Variants in USP8 observed in about 807,000 individuals in gnomAD.
USP8 encodes ubiquitin carboxyl-terminal hydrolase 8.
USP8 carries 27 observed loss-of-function variants against 130.0 expected under a neutral mutation model. The observed-to-expected ratio is 0.21, with a 90% confidence interval of 0.15 to 0.29. The LOEUF (loss-of-function observed/expected upper bound fraction) is 0.29, where lower values mean the gene tolerates loss of function less well. Ranked by LOEUF, USP8 falls within the 10% of genes least tolerant of loss-of-function variation. USP8 has a pLI of 1.00. For synonymous variants in USP8, 392 were observed against 444.1 expected (o/e 0.88, Z 1.48); for missense variants, 1,029 against 1,312.2 (o/e 0.78, Z 3.33).
rs1037791812 is a variant in USP8, at chr15:50,502,149, C to T, written c.*3061C>T. ...TTGAGATGGAGTCTCTCTCTGTTGC[C>T]CAGGCTGGAATGCAGTGGCACGATC... is the stretch of plus-strand genomic sequence containing the variant. On this transcript the variant is annotated 3_prime_UTR_variant, in exon 20 of 20. Transcript: ENST00000307179. The T allele has an allele frequency of 6.6e-6, 1 of 152,194 alleles. No homozygotes were observed. 9.4% of individuals were successfully genotyped at this position (152,194 alleles called of 1,614,324 possible).
intron 16 of USP8, among the ~76,000 whole-genome samples, chr15:50,495,339 C>T (rs1402910828): frequency 1.1e-5 from 1 of 89,696 alleles, no homozygotes; most frequent in African/African-American, 5.3e-5. Context: ...CATATATATA[C>T]ACATACATAT....
intron 8 of USP8, 62 bp downstream of exon 8, chr15:50,471,857 A>G (rs2051388090): frequency 3.9e-6 from 6 of 1,536,276 alleles, no homozygotes; most frequent in African/African-American, 1.4e-5. Context: ...TTAGAAAGGC[A>G]TGTTAACTAG....
rs1566904549 is a variant in USP8, at chr15:50,514,397, T to C, written c.*15309T>C. The stretch of plus-strand genomic sequence containing the variant: ...GTACTTTTCTGTATATATGTTTCAC[T>C]TCAATAAAGTTTATTTTTGGTCAAG... On this transcript the variant is annotated 3_prime_UTR_variant, in exon 20 of 20. Transcript: ENST00000307179. The C allele has an allele frequency of 6.6e-6, 1 of 152,212 alleles. No individual in the cohort carries two copies. Among genetic ancestry groups the C allele is most frequent in the East Asian group, 1.9e-4 (1 of 5,196 alleles). 9.4% of individuals were successfully genotyped at this position (152,212 alleles called of 1,614,324 possible).
intron 1 of USP8, among the ~76,000 whole-genome samples, chr15:50,425,579 A>G (rs903830695): frequency 1.3e-5 from 2 of 152,098 alleles, no homozygotes; most frequent in Non-Finnish European, 2.9e-5. Context: ...TCATGTTGAT[A>G]TGGCTGCTTT....
intron 8 of USP8, among the ~76,000 whole-genome samples, chr15:50,475,120 A>G (rs975268088): frequency 2.0e-5 from 3 of 152,192 alleles, no homozygotes; most frequent in African/African-American, 7.2e-5. Flanking sequence ...AAAAGAAAAG[A>G]CATTTAACTA....
chr15:50,488,583 G>T (rs1241089820), intron 12 of USP8, among the ~76,000 whole-genome samples: 1 of 82,172 alleles, frequency 1.2e-5, no homozygotes, highest in African/African-American at 5.2e-5. Flanking sequence ...TTTTTTTTTG[G>T]AGATGGAGTC....
chr15:50,477,411 T>C lies in USP8; in HGVS notation c.1130T>C (p.Ile377Thr). 6.2e-7 allele frequency: 1 copy of C among 1,614,160 alleles called. No individual in the cohort carries two copies. The highest frequency in any genetic ancestry group is 8.5e-7 in the Non-Finnish European group (1 of 1,180,034). ...GQNERMGPLN[I>T]STPVEPVAAS... ...AATGAGAGAATGGGACCACTGAATA[T>C]ATCAACTCCAGTTGAACCAGTTGCT... Residue 377 changes from isoleucine to threonine, a missense_variant, in exon 10 of 20, where the codon ATA (isoleucine) becomes ACA (threonine). Ile to Thr is a moderately conservative substitution (Grantham distance 89, BLOSUM62 -1). This residue lies in a region of USP8 where 486 missense variants were observed against 522.0 expected (regional missense o/e 0.93). Coordinates refer to ENST00000307179, the MANE Select transcript of USP8 (RefSeq NM_005154.5).
At position 50,501,050 on chromosome 15, in the gene USP8, A is replaced by G. The variant is rs2052576160; in HGVS notation, c.*1962A>G. 1 of 495,522 alleles carries G rather than the reference A, an allele frequency of 2.0e-6. No individual in the cohort carries two copies. Among genetic ancestry groups the G allele is most frequent in the South Asian group, 2.4e-5 (1 of 41,150 alleles). 30.7% of individuals were successfully genotyped at this position (495,522 alleles called of 1,614,324 possible). A position where few individuals can be genotyped will look rare whatever the true frequency, so the allele number is the denominator to read the frequency against. ...TTATATGTTGTGCCCATTGACTATC[A>G]TCTGTGAATAAAGAAAGACAATATT... On this transcript the variant is annotated 3_prime_UTR_variant, in exon 20 of 20. Coordinates refer to ENST00000307179, the MANE Select transcript of USP8 (RefSeq NM_005154.5).
At position 50,505,637 on chromosome 15, in the gene USP8, A is replaced by G. The variant is rs547946053; in HGVS notation, c.*6549A>G. ...CCAATATGAACAGTAGAAAACCATG[A>G]TAATGTCTCCTTTGGAGGCATATTA... On this transcript the variant is annotated 3_prime_UTR_variant, in exon 20 of 20. Coordinates refer to ENST00000307179, the MANE Select transcript of USP8 (RefSeq NM_005154.5). The G allele has an allele frequency of 2.6e-5, 4 of 152,346 alleles. No homozygotes were observed. Among genetic ancestry groups the G allele is most frequent in the African/African-American group, 9.6e-5 (4 of 41,560 alleles). 9.4% of individuals were successfully genotyped at this position (152,346 alleles called of 1,614,324 possible).
intron 8 of USP8, among the ~76,000 whole-genome samples, chr15:50,475,379 C>CGTTTT (rs1566871960): frequency 3.3e-5 from 5 of 151,818 alleles, no homozygotes; most frequent in African/African-American, 4.8e-5. Flanking sequence ...AACAAGATAC[C>CGTTTT]ATTTTATGTT....
At chr15:50,469,238 A>G (rs970020244) in intron 7 of USP8, among the ~76,000 whole-genome samples, 3 of 151,996 alleles carry the variant, frequency 2.0e-5, no homozygotes, top group Non-Finnish European at 4.4e-5. Context: ...TTTTTCATGT[A>G]TTTAGGGCTA....
At chr15:50,493,109 T>G in intron 15 of USP8, 196 bp downstream of exon 15, 1 of 668,338 alleles carries the variant, frequency 1.5e-6, no homozygotes, top group Non-Finnish European at 2.7e-6. Context: ...GGTGCGCTTT[T>G]TTGCTGCATC....
Position 50,504,552 on chromosome 15 carries a change from G to T in USP8, c.*5464G>T, listed in dbSNP as rs576033377. Reference sequence around the variant, plus strand: ...AACAAAAACAAAAAACACCAGAAAAGACACCATTTTATATAGGGCCCTTGA... The same window carrying T: ...AACAAAAACAAAAAACACCAGAAAATACACCATTTTATATAGGGCCCTTGA... On this transcript the variant is annotated 3_prime_UTR_variant, in exon 20 of 20. Transcript: ENST00000307179. 2 of 152,236 alleles carry T rather than the reference G, an allele frequency of 1.3e-5. No individual in the cohort carries two copies. Among genetic ancestry groups the T allele is most frequent in the South Asian group, 4.2e-4 (2 of 4,808 alleles). 9.4% of individuals were successfully genotyped at this position (152,236 alleles called of 1,614,324 possible).
intron 1 of USP8, among the ~76,000 whole-genome samples, chr15:50,438,064 G>A (rs1451201910): frequency 6.6e-6 from 1 of 152,206 alleles, no homozygotes; most frequent in Admixed American, 6.5e-5. Flanking sequence ...AATGTGCACA[G>A]GGTTAGAAGG....
intron 1 of USP8, among the ~76,000 whole-genome samples, chr15:50,428,364 G>C (rs769615689): frequency 1.3e-5 from 2 of 152,140 alleles, no homozygotes; most frequent in Non-Finnish European, 2.9e-5. Context: ...CAATCCACCT[G>C]CCTCGGCCTC....
At chr15:50,429,730 T>C (rs1273684788) in intron 1 of USP8, among the ~76,000 whole-genome samples, 2 of 152,184 alleles carry the variant, frequency 1.3e-5, no homozygotes, top group Non-Finnish European at 2.9e-5. Flanking sequence ...ATAGAGATTC[T>C]GATTTAATTG....
At chr15:50,438,604 A>G (rs2050155986) in intron 1 of USP8, among the ~76,000 whole-genome samples, 1 of 152,190 alleles carries the variant, frequency 6.6e-6, no homozygotes, top group Admixed American at 6.6e-5. Flanking sequence ...AATAAATAAG[A>G]GGAAGAAGTC....
chr15:50,477,576 A>T (rs1449409955), intron 10 of USP8, 77 bp downstream of exon 10: 1 of 1,347,206 alleles, frequency 7.4e-7, no homozygotes, highest in Non-Finnish European at 1.0e-6. Flanking sequence ...ACAGTGCCTC[A>T]CGCCTGTAAT....
chr15:50,457,737 T>C (rs2050838545), intron 4 of USP8, among the ~76,000 whole-genome samples: 1 of 149,974 alleles, frequency 6.7e-6, no homozygotes, highest in Non-Finnish European at 1.5e-5. Flanking sequence ...GGTGTGTGCC[T>C]CTAGTCCCAG....
Sources: allele counts gnomAD v4.1 joint callset (sites outside exome capture counted in the v4.1 genomes callset), GRCh38; gene constraint gnomAD v4.1.1; regional missense constraint gnomAD v4.1.1; transcripts MANE v1.5; gene names NCBI Gene and HGNC (gene_info 2026-07-23, HGNC 2026-07-21).